Variants in PTPN2 observed in about 807,000 individuals in gnomAD.
PTPN2 encodes the protein protein tyrosine phosphatase non-receptor type 2.
Under a neutral mutation model 57.3 loss-of-function variants are expected in PTPN2, and 19 were observed. The observed-to-expected ratio is 0.33, with a 90% CI of 0.23 to 0.49. PTPN2 has a LOEUF of 0.49. Among genes scored for constraint, PTPN2 ranks in the 20% least tolerant of loss-of-function variants. The pLI is 0.99. For missense variants in PTPN2, 358 were observed against 501.1 expected (o/e 0.71, Z 2.73); for synonymous variants, 153 against 164.9 (o/e 0.93, Z 0.55).
downstream of PTPN2, among the ~76,000 whole-genome samples, chr18:12,791,852 C>T (rs866018471): frequency 9.2e-5 from 14 of 152,312 alleles, no homozygotes; most frequent in Middle Eastern, 3.4e-3. Flanking sequence ...GGCACGTCCT[C>T]TCTGGCACTG....
chr18:12,791,530 A>G (rs768201003), downstream of PTPN2, among the ~76,000 whole-genome samples: 8 of 152,322 alleles, frequency 5.3e-5, no homozygotes, highest in Non-Finnish European at 1.0e-4. Context: ...CTCTTTGACC[A>G]GCACACCTCA....
At position 12,817,268 on chromosome 18, in the gene PTPN2, T is replaced by C; in HGVS notation, c.593A>G (p.Lys198Arg). 6.2e-7 allele frequency: 1 copy of C among 1,614,118 alleles called. No homozygotes were observed. The highest frequency in any genetic ancestry group is 1.7e-5 in the Admixed American group (1 of 60,008). The change falls in exon 6 of 9, where the codon AAA becomes AGA. Residue 198 changes from lysine (K) to arginine (R), a missense_variant. By Grantham distance (26) the Lys-to-Arg change is conservative. Transcript: ENST00000309660. ...GTTCAAGGAGCCAGATTCTCTCACT[T>C]TAAACAAGAAATTGAGAAATGAAGC... ...SPASFLNFLF[K>R]VRESGSLNPD...
intron 1 of PTPN2, among the ~76,000 whole-genome samples, chr18:12,873,198 T>C (rs1263614605): frequency 6.6e-6 from 1 of 151,428 alleles, no homozygotes; most frequent in Non-Finnish European, 1.5e-5. Context: ...TCCAGCCTGG[T>C]TGACAGAGTA....
At chr18:12,827,023 A>C (rs2042490319) in intron 4 of PTPN2, among the ~76,000 whole-genome samples, 1 of 152,212 alleles carries the variant, frequency 6.6e-6, no homozygotes, top group African/African-American at 2.4e-5. Flanking sequence ...AAAATTATCA[A>C]ACTCTTGCAA....
rs2041074012 is a variant in PTPN2 at position 12,794,124 on chromosome 18, G to A, written c.*154C>T. ...AACCTGCAGTCAAGAGTCCTGAGAT[G>A]TTGGGCTTGTGACTGTAAATATCAC... On this transcript the variant is annotated 3_prime_UTR_variant, in exon 9 of 9. Transcript: ENST00000309660. 6.9e-7 allele frequency: 1 copy of A among 1,451,184 alleles called. No homozygotes were observed. 89.9% of individuals were successfully genotyped at this position (1,451,184 alleles called of 1,614,324 possible).
At chr18:12,797,106 C>T (rs1409792188) in intron 8 of PTPN2, among the ~76,000 whole-genome samples, 1 of 152,138 alleles carries the variant, frequency 6.6e-6, no homozygotes, top group Non-Finnish European at 1.5e-5. Context: ...TTCACTATCA[C>T]AAATATGCAT....
At chr18:12,870,330 T>TATAC (rs1568168613) in intron 1 of PTPN2, among the ~76,000 whole-genome samples, 29 of 42,298 alleles carry the variant, frequency 6.9e-4, no homozygotes, top group South Asian at 1.1e-3. Flanking sequence ...TGTATATATA[T>TATAC]GTATATATAT....
At chr18:12,872,949 G>C (rs573386045) in intron 1 of PTPN2, among the ~76,000 whole-genome samples, 7 of 152,284 alleles carry the variant, frequency 4.6e-5, no homozygotes, top group African/African-American at 1.2e-4. Context: ...GGCTGGACGC[G>C]GTGGCTCACG....
chr18:12,824,846 G>A (rs1032103625), intron 5 of PTPN2, among the ~76,000 whole-genome samples: 1 of 152,150 alleles, frequency 6.6e-6, no homozygotes, highest in Non-Finnish European at 1.5e-5. Flanking sequence ...AACACTTTGG[G>A]AGGCCAAGGT....
intron 5 of PTPN2, among the ~76,000 whole-genome samples, chr18:12,821,977 G>T (rs983535298): frequency 6.6e-6 from 1 of 152,066 alleles, no homozygotes; most frequent in African/African-American, 2.4e-5. Flanking sequence ...CAACCCCTTC[G>T]AAGTTAAAAA....
intron 2 of PTPN2, 78 bp downstream of exon 2, chr18:12,859,086 A>G: frequency 9.5e-7 from 1 of 1,054,340 alleles, no homozygotes; most frequent in Non-Finnish European, 1.4e-6. Flanking sequence ...CACTGACCCC[A>G]AGCCCTCCTT....
intron 1 of PTPN2, among the ~76,000 whole-genome samples, chr18:12,881,815 T>C (rs2044675261): frequency 6.6e-6 from 1 of 152,214 alleles, no homozygotes; most frequent in Non-Finnish European, 1.5e-5. Context: ...TCAAGCTAGC[T>C]TTACATGTAT....
chr18:12,808,000 A>G (rs1271563217), intron 7 of PTPN2, among the ~76,000 whole-genome samples: 1 of 152,040 alleles, frequency 6.6e-6, no homozygotes, highest in Admixed American at 6.6e-5. Flanking sequence ...CCTGGGCAAC[A>G]TGGTGAGACC....
At chr18:12,844,670 T>C (rs781081034) in intron 2 of PTPN2, among the ~76,000 whole-genome samples, 22 of 152,358 alleles carry the variant, frequency 1.4e-4, no homozygotes, top group South Asian at 2.1e-4. Context: ...TTGTCAGATA[T>C]GTGGTTTACA....
At chr18:12,870,449 A>ATG (rs1568169698) in intron 1 of PTPN2, among the ~76,000 whole-genome samples, 5 of 35,786 alleles carry the variant, frequency 1.4e-4, no homozygotes, top group Admixed American at 3.5e-4. Context: ...GTGTATATAT[A>ATG]TATATATATA....
intron 2 of PTPN2, among the ~76,000 whole-genome samples, chr18:12,858,203 A>G (rs887395014): frequency 6.6e-6 from 1 of 152,150 alleles, no homozygotes; most frequent in African/African-American, 2.4e-5. Flanking sequence ...CAGGCGAACA[A>G]TCAGTAACAA....
Position 12,870,424 on chromosome 18 carries a change from TAC to T in PTPN2, c.70-11172_70-11171del, listed in dbSNP as rs1359518215. On this transcript the variant is annotated intron_variant, in intron 1 of 8. Coordinates refer to ENST00000309660, the MANE Select transcript of PTPN2 (RefSeq NM_002828.4). The stretch of plus-strand genomic sequence containing the variant: ...ATACACGTATATATATGTATATATA[TAC>T]GTATATATATATGTGTATATATATA... Among the ~76,000 whole-genome samples the T allele has an allele frequency of 5.6e-5, 3 of 53,724 alleles. 1 individual carries two copies. Among genetic ancestry groups the T allele is most frequent in the Admixed American group, 4.3e-4 (2 of 4,644 alleles). 35.2% of individuals were successfully genotyped at this position (53,724 alleles called of 152,430 possible). A position where few individuals can be genotyped will look rare whatever the true frequency, so the allele number is the denominator to read the frequency against.
chr18:12,864,214 T>C (rs987460109), intron 1 of PTPN2: 2 of 146,684 alleles, frequency 1.4e-5, no homozygotes, highest in African/African-American at 2.5e-5. Flanking sequence ...AAAAAAAAAA[T>C]TCCACTTAGC....
intron 7 of PTPN2, among the ~76,000 whole-genome samples, chr18:12,812,997 T>C (rs545298451): frequency 2.8e-5 from 4 of 145,354 alleles, no homozygotes; most frequent in African/African-American, 1.0e-4. Context: ...AAAGTATGTA[T>C]TCTAAAACTA....
Sources: gnomAD v4.1 joint callset for allele counts (sites outside exome capture counted in the v4.1 genomes callset) on GRCh38, gnomAD v4.1.1 for gene constraint, MANE v1.5 for transcripts, NCBI Gene and HGNC (gene_info 2026-07-23, HGNC 2026-07-21) for gene names.